EGFLAM: variants seen among roughly 807,000 people sequenced by gnomAD.
The protein encoded by EGFLAM is EGF like, fibronectin type III and laminin G domains, also known as pikachurin.
A neutral mutation model predicts 113.1 loss-of-function variants in EGFLAM; 79 were observed. The ratio of observed to expected loss-of-function variants is 0.70; its 90% CI spans 0.58 to 0.84. The LOEUF is 0.84. Ranked by LOEUF, EGFLAM falls within the 40% of genes least tolerant of loss-of-function variation. The pLI is 0.00. For missense variants in EGFLAM, 1,265 were observed against 1,291.6 expected (o/e 0.98, Z 0.32); for synonymous variants, 504 against 487.6 (o/e 1.03, Z -0.44).
chr5:38,282,302 A>G (rs2111757203), intron 1 of EGFLAM: 1 of 137,628 alleles, frequency 7.3e-6, no homozygotes. Context: ...TGCAAACAAA[A>G]CAAATAAGGG....
chr5:38,400,596 G>A (rs2112109765), intron 6 of EGFLAM, among the ~76,000 whole-genome samples: 1 of 152,306 alleles, frequency 6.6e-6, no homozygotes, highest in East Asian at 1.9e-4. Context: ...AGGTGGCGGG[G>A]CAGTCAGGAA....
chr5:38,338,670 C>T (rs962170766), intron 2 of EGFLAM, 28 bp from the exon 3 acceptor site: 2 of 1,610,196 alleles, frequency 1.2e-6, no homozygotes, highest in Admixed American at 1.7e-5. Flanking sequence ...GGGCTCTGCT[C>T]TCACCAGGGT....
chr5:38,441,628 T>TGTGTGTA (rs1742537860), intron 17 of EGFLAM, among the ~76,000 whole-genome samples: 1 of 130,910 alleles, frequency 7.6e-6, no homozygotes, highest in Non-Finnish European at 1.6e-5. Flanking sequence ...ACACACGCAT[T>TGTGTGTA]CACGTACACG....
At chr5:38,360,091 A>G (rs565579075) in intron 5 of EGFLAM, among the ~76,000 whole-genome samples, 28 of 152,316 alleles carry the variant, frequency 1.8e-4, no homozygotes, top group African/African-American at 6.5e-4. Flanking sequence ...GTAAGTAACA[A>G]AGGAACTTAA....
chr5:38,371,078 G>A (rs1163260715), intron 6 of EGFLAM, among the ~76,000 whole-genome samples: 4 of 152,140 alleles, frequency 2.6e-5, no homozygotes, highest in Non-Finnish European at 5.9e-5. Flanking sequence ...ACAATGCCAA[G>A]AACCATTCTT....
intron 1 of EGFLAM, among the ~76,000 whole-genome samples, chr5:38,335,409 T>C (rs946874236): frequency 4.6e-5 from 7 of 152,226 alleles, no homozygotes; most frequent in African/African-American, 1.7e-4. Context: ...AACTTCCCAC[T>C]ACTCTTTTCT....
intron 6 of EGFLAM, among the ~76,000 whole-genome samples, chr5:38,386,287 C>T (rs1037818352): frequency 1.3e-5 from 2 of 152,112 alleles, no homozygotes; most frequent in Non-Finnish European, 2.9e-5. Context: ...ACCTCCACCT[C>T]CCGAGTTCAA....
chr5:38,462,321 C>T (rs1484996373), intron 20 of EGFLAM, among the ~76,000 whole-genome samples: 1 of 152,180 alleles, frequency 6.6e-6, no homozygotes, highest in East Asian at 1.9e-4. Context: ...CTCTCCTCCC[C>T]TGGGCTTCAC....
At chr5:38,289,217 T>C (rs1758244304) in intron 1 of EGFLAM, among the ~76,000 whole-genome samples, 1 of 152,156 alleles carries the variant, frequency 6.6e-6, no homozygotes, top group East Asian at 1.9e-4. Context: ...TTTAATTCCT[T>C]TCCTCTCCTT....
chr5:38,457,942 G>A (rs1190519938), intron 19 of EGFLAM, among the ~76,000 whole-genome samples: 1 of 152,012 alleles, frequency 6.6e-6, no homozygotes, highest in Non-Finnish European at 1.5e-5. Flanking sequence ...GTTGTCAGGG[G>A]CTGGGGGGAG....
intron 1 of EGFLAM, among the ~76,000 whole-genome samples, chr5:38,330,959 G>C (rs1027620051): frequency 6.6e-6 from 1 of 151,876 alleles, no homozygotes; most frequent in African/African-American, 2.4e-5. Flanking sequence ...ACAAATTAAG[G>C]GTACTTACAG....
At chr5:38,435,920 C>T (rs1036746740) in intron 16 of EGFLAM, among the ~76,000 whole-genome samples, 6 of 148,650 alleles carry the variant, frequency 4.0e-5, no homozygotes, top group South Asian at 4.2e-4. Flanking sequence ...TGGGTTCAAG[C>T]GATTCTCCTG....
At chr5:38,437,450 C>A (rs1742384917) in intron 16 of EGFLAM, among the ~76,000 whole-genome samples, 1 of 152,128 alleles carries the variant, frequency 6.6e-6, no homozygotes, top group African/African-American at 2.4e-5. Flanking sequence ...CCAGGGTGCC[C>A]TGTTTGACTT....
rs1456154629 is a variant in EGFLAM, at chr5:38,409,110, T to A, written c.1349+6T>A. On this transcript the variant is annotated splice_donor_region_variant and intron_variant, in intron 10 of 21. Transcript: ENST00000322350. ...CGACGCTCCCTGCAGTTCAGGTAAT[T>A]CCTGCCAAAAGCCTCACACTCTTTT... The A allele has an allele frequency of 6.4e-7, 1 of 1,559,544 alleles. No individual in the cohort carries two copies. The highest frequency in any genetic ancestry group is 8.7e-7 in the Non-Finnish European group (1 of 1,150,968).
rs1743340674 is a variant in EGFLAM, at chr5:38,462,973, T to C, written c.2837T>C (p.Met946Thr). The C allele has an allele frequency of 6.2e-7, 1 of 1,614,118 alleles. No homozygotes were observed. The highest frequency in any genetic ancestry group is 8.5e-7 in the Non-Finnish European group (1 of 1,179,988). The change falls in exon 21 of 22, where the codon ATG becomes ACG. Residue 946 changes from methionine to threonine, a missense_variant. Met to Thr is a moderately conservative substitution (Grantham distance 81). Transcript: ENST00000322350. ...YGARTGKSPG[M>T]MRQLNINGAL... ...GCCAGAACAGGCAAATCCCCAGGCA[T>C]GATGCGGCAGCTTAACATCAATGGA...
At chr5:38,363,951 G>A (rs1739993657) in intron 5 of EGFLAM, among the ~76,000 whole-genome samples, 1 of 152,138 alleles carries the variant, frequency 6.6e-6, no homozygotes, top group Non-Finnish European at 1.5e-5. Context: ...TACCTAAATG[G>A]GTGAGGTTAA....
chr5:38,273,758 C>A (rs2111725885), intron 1 of EGFLAM, among the ~76,000 whole-genome samples: 1 of 152,330 alleles, frequency 6.6e-6, no homozygotes, highest in South Asian at 2.1e-4. Flanking sequence ...ACTGTGAACA[C>A]TGGAATAAGT....
chr5:38,336,584 CACACACACACACACAG>C (rs1376675346), intron 1 of EGFLAM, among the ~76,000 whole-genome samples: 5 of 151,588 alleles, frequency 3.3e-5, no homozygotes, highest in South Asian at 2.1e-4. Flanking sequence ...CACACACACA[CACACACACACACACAG>C]ACACACAGAC....
At position 38,280,410 on chromosome 5, in the gene EGFLAM, C is replaced by T. The variant is rs532531304; in HGVS notation, c.97+21559C>T. 4.6e-5 allele frequency among the ~76,000 whole-genome samples: 7 copies of T among 152,314 alleles called. No homozygotes were observed. The East Asian group carries it at 9.6e-4, about 21-fold the overall frequency. On this transcript the variant is annotated intron_variant, in intron 1 of 21. Coordinates refer to ENST00000322350, the MANE Select transcript of EGFLAM (RefSeq NM_152403.4). ...ACTAGCTGTATCACCTACTCCTTTG[C>T]CCCCTGGCTTCTTTGGGTTTAGCCA...
Sources: gnomAD v4.1 joint callset for allele counts (sites outside exome capture counted in the v4.1 genomes callset) on GRCh38, gnomAD v4.1.1 for gene constraint, MANE v1.5 for transcripts, NCBI Gene and HGNC (gene_info 2026-07-23, HGNC 2026-07-21) for gene names.